HECTD2: variants seen among roughly 807,000 people sequenced by gnomAD.
HECTD2 encodes the protein probable E3 ubiquitin-protein ligase HECTD2.
Under a neutral mutation model 103.2 loss-of-function variants are expected in HECTD2, and 35 were observed. The ratio of observed to expected loss-of-function variants is 0.34; its 90% CI spans 0.26 to 0.45. The LOEUF (loss-of-function observed/expected upper bound fraction) is 0.45. HECTD2 is among the 20% of genes least tolerant of loss of function. The pLI, the probability that HECTD2 is intolerant of heterozygous loss-of-function variation, is 1.00. For missense variants in HECTD2, 596 were observed against 937.4 expected, an observed-to-expected ratio of 0.64 and a Z score of 4.76; for synonymous variants, 281 against 329.9, an observed-to-expected ratio of 0.85 and a Z score of 1.61.
intron 6 of HECTD2, among the ~76,000 whole-genome samples, chr10:91,480,183 A>G (rs1375029475): frequency 6.6e-6 from 1 of 152,140 alleles, no homozygotes; most frequent in Admixed American, 6.5e-5. Context: ...TAAAAATATC[A>G]TTAAAAAAAT....
chr10:91,476,696 C>T (rs546810427), intron 5 of HECTD2, among the ~76,000 whole-genome samples: 62 of 152,316 alleles, frequency 4.1e-4, no homozygotes, highest in African/African-American at 1.5e-3. Context: ...CTTCTTTCTC[C>T]GTCCCTGTGT....
intron 1 of HECTD2, among the ~76,000 whole-genome samples, chr10:91,422,424 CT>C (rs1564698788): frequency 6.6e-6 from 1 of 152,132 alleles, no homozygotes; most frequent in Non-Finnish European, 1.5e-5. Context: ...CACGGCTAAC[CT>C]TATTTTACAA....
chr10:91,431,937 G>A (rs1000471925), intron 2 of HECTD2, among the ~76,000 whole-genome samples: 2 of 151,698 alleles, frequency 1.3e-5, no homozygotes, highest in African/African-American at 2.4e-5. Context: ...CTGCGAAGTT[G>A]GGGTATTTGC....
intron 1 of HECTD2, among the ~76,000 whole-genome samples, chr10:91,421,278 T>C (rs1266384848): frequency 6.6e-6 from 1 of 152,190 alleles, no homozygotes; most frequent in African/African-American, 2.4e-5. Flanking sequence ...CTTGAAACTT[T>C]ATCCTCCCAT....
intron 20 of HECTD2, among the ~76,000 whole-genome samples, chr10:91,506,598 C>A (rs1438637233): frequency 1.3e-5 from 2 of 152,052 alleles, no homozygotes; most frequent in South Asian, 2.1e-4. Flanking sequence ...TCTGAATAGA[C>A]CAATAACAGG....
intron 2 of HECTD2, among the ~76,000 whole-genome samples, chr10:91,459,811 A>G (rs964317484): frequency 6.6e-6 from 1 of 152,160 alleles, no homozygotes; most frequent in African/African-American, 2.4e-5. Flanking sequence ...ACGTTTAAAT[A>G]AACAAATGCT....
chr10:91,460,535 C>T lies in HECTD2; in HGVS notation c.377C>T (p.Pro126Leu). 6.2e-7 allele frequency: 1 copy of T among 1,612,260 alleles called. No individual in the cohort carries two copies. The highest frequency in any genetic ancestry group is 2.2e-5 in the East Asian group (1 of 44,806). ...KAPVLPEPIL[P>L]IQPKTVKDFQ... Reference sequence around the variant, plus strand: ...CCAGTCCTTCCAGAACCTATTCTTCCTATCCAGCCCAAAACTGTGAAAGAC... The same window carrying T: ...CCAGTCCTTCCAGAACCTATTCTTCTTATCCAGCCCAAAACTGTGAAAGAC... The change falls in exon 3 of 21, where the codon CCT becomes CTT. Residue 126 changes from proline (P) to leucine (L), a missense_variant. Pro to Leu is a moderately conservative substitution (Grantham distance 98, BLOSUM62 -3). This residue lies in a region of HECTD2 where 220 missense variants were observed against 233.9 expected (regional missense o/e 0.94). Transcript: ENST00000298068.
chr10:91,445,569 A>G (rs371281896), intron 2 of HECTD2, among the ~76,000 whole-genome samples: 2 of 152,124 alleles, frequency 1.3e-5, no homozygotes, highest in African/African-American at 4.8e-5. Context: ...GACATTATAC[A>G]ATGAAAGAAG....
chr10:91,494,194 G>A (rs931292898), intron 14 of HECTD2, among the ~76,000 whole-genome samples: 13 of 151,610 alleles, frequency 8.6e-5, no homozygotes, highest in African/African-American at 3.1e-4. Flanking sequence ...AGATAAGAAA[G>A]TATAAAAGGG....
chr10:91,463,476 G>T (rs1845426975), intron 5 of HECTD2: 1 of 152,020 alleles, frequency 6.6e-6, no homozygotes, highest in Non-Finnish European at 1.5e-5. Context: ...ACTGTACTTT[G>T]CTATATTCAT....
At chr10:91,414,679 T>C (rs1424045816) in intron 1 of HECTD2, among the ~76,000 whole-genome samples, 2 of 152,164 alleles carry the variant, frequency 1.3e-5, no homozygotes, top group Non-Finnish European at 2.9e-5. Context: ...TTAAGCTGGC[T>C]GGCCATTGAA....
In HECTD2 at chr10:91,514,329, ATAAC is replaced by A. The variant is rs1184084920; in HGVS notation, c.*1948_*1951del. On this transcript the variant is annotated 3_prime_UTR_variant, in exon 21 of 21. Transcript: ENST00000298068. ...AATTTTTAGATGACGAAGTCCATAA[ATAAC>A]TAGAGAATTTTTGTTATCTGTTGTT... is the stretch of plus-strand genomic sequence containing the variant. The A allele has an allele frequency of 1.3e-5, 2 of 152,642 alleles. No individual in the cohort carries two copies. The highest frequency in any genetic ancestry group is 4.8e-5 in the African/African-American group (2 of 41,462). 9.5% of individuals were successfully genotyped at this position (152,642 alleles called of 1,614,324 possible). A position where few individuals can be genotyped will look rare whatever the true frequency, so the allele number is the denominator to read the frequency against.
At chr10:91,467,050 G>A (rs1845555173) in intron 5 of HECTD2, among the ~76,000 whole-genome samples, 2 of 152,048 alleles carry the variant, frequency 1.3e-5, no homozygotes, top group East Asian at 3.9e-4. Context: ...AGATTGGACA[G>A]ATGGAGGACA....
In HECTD2 at chr10:91,498,946, T is replaced by C. The variant is rs1230341040; in HGVS notation, c.1830T>C (p.Asn610=). 2 of 1,595,724 alleles carry C rather than the reference T, an allele frequency of 1.3e-6. No homozygotes were observed. Among genetic ancestry groups the C allele is most frequent in the Non-Finnish European group, 1.7e-6 (2 of 1,165,194 alleles). The change falls in exon 17 of 21, where the codon AAT becomes AAC. Residue 610 remains asparagine (N), a synonymous_variant. Coordinates refer to ENST00000298068, the MANE Select transcript of HECTD2 (RefSeq NM_182765.6). The stretch of plus-strand genomic sequence containing the variant: ...GTGGTGATAAAATTTCAGTTACCAA[T>C]CAAAATAGAAAAGGTAAGTTAATAC... ...KPGGDKISVT[N]QNRKEYVQLY...
intron 2 of HECTD2, among the ~76,000 whole-genome samples, chr10:91,431,632 A>G (rs1375464306): frequency 6.6e-6 from 1 of 151,658 alleles, no homozygotes; most frequent in East Asian, 1.9e-4. Context: ...CATTCATTTC[A>G]TCTTCCATCA....
At chr10:91,485,509 G>A in intron 10 of HECTD2, 1 of 432,862 alleles carries the variant, frequency 2.3e-6, no homozygotes, top group Non-Finnish European at 4.0e-6. Flanking sequence ...TTTGGTTTTG[G>A]TTTGGTTAAT....
chr10:91,430,172 C>CAAA (rs1485504771), intron 2 of HECTD2, among the ~76,000 whole-genome samples: 2 of 152,104 alleles, frequency 1.3e-5, no homozygotes, highest in African/African-American at 4.8e-5. Context: ...GTTCAGTTTC[C>CAAA]ATGTAGTTGA....
upstream of HECTD2, among the ~76,000 whole-genome samples, chr10:91,409,572 A>G (rs1242156944): frequency 3.9e-5 from 6 of 152,004 alleles, no homozygotes; most frequent in Non-Finnish European, 8.8e-5. Context: ...AGGAACAGGA[A>G]TGGAAAGTGT....
rs757057019 is a variant in HECTD2 at position 91,460,516 on chromosome 10, C to T, written c.358C>T (p.Leu120Phe). ...ASSSEMKAPVLPEPILPIQPK... is the reference protein window; with the variant it reads ...ASSSEMKAPVFPEPILPIQPK... ...ATCATCCGAAATGAAGGCCCCAGTC[C>T]TTCCAGAACCTATTCTTCCTATCCA... is the stretch of plus-strand genomic sequence containing the variant. Residue 120 changes from leucine to phenylalanine, a missense_variant, in exon 3 of 21, where the codon CTT becomes TTT. Physicochemically the swap from Leu to Phe is conservative, Grantham distance 22 (BLOSUM62 0). This residue lies in a region of HECTD2 where 220 missense variants were observed against 233.9 expected (regional missense o/e 0.94). Coordinates refer to ENST00000298068, the MANE Select transcript of HECTD2 (RefSeq NM_182765.6). The T allele has an allele frequency of 3.7e-6, 6 of 1,612,736 alleles. No homozygotes were observed. In the South Asian group the frequency reaches 6.6e-5, roughly 18 times the overall value.
Sources: allele counts gnomAD v4.1 joint callset (sites outside exome capture counted in the v4.1 genomes callset), GRCh38; gene constraint gnomAD v4.1.1; regional missense constraint gnomAD v4.1.1; transcripts MANE v1.5; gene names NCBI Gene and HGNC (gene_info 2026-07-23, HGNC 2026-07-21).